CCDC88C: variants seen among roughly 807,000 people sequenced by gnomAD.
CCDC88C encodes the protein protein Daple.
CCDC88C carries 131 observed loss-of-function variants against 198.8 expected under a neutral mutation model. The ratio of observed to expected loss-of-function variants is 0.66; its 90% confidence interval spans 0.57 to 0.76. The LOEUF (loss-of-function observed/expected upper bound fraction) is 0.76. Among genes scored for constraint, CCDC88C ranks in the 30% least tolerant of loss-of-function variants. The pLI is 0.00. For synonymous variants in CCDC88C, 1,166 were observed against 1,114.7 expected (o/e 1.05, Z -0.92); for missense variants, 2,553 against 2,631.6 (o/e 0.97, Z 0.65).
intron 4 of CCDC88C, among the ~76,000 whole-genome samples, chr14:91,358,066 T>G (rs1344152407): frequency 6.6e-6 from 1 of 152,140 alleles, no homozygotes; most frequent in Non-Finnish European, 1.5e-5. Flanking sequence ...TTCTGGCTCA[T>G]GCAAAGGCGG....
chr14:91,368,657 C>T lies in CCDC88C; in HGVS notation c.271-8946G>A, dbSNP rs143029259. ...CGATTTAACACTTCCAGAAACGGCA[C>T]GGTGCTGGCTGTGCTTCAGGCAGGT... On this transcript the variant is annotated intron_variant, in intron 3 of 29. Coordinates refer to ENST00000389857, the MANE Select transcript of CCDC88C (RefSeq NM_001080414.4). 2.3e-3 allele frequency among the ~76,000 whole-genome samples: 351 copies of T among 152,274 alleles called. 2 individuals are homozygous for T. The highest frequency in any genetic ancestry group is 8.0e-3 in the African/African-American group (331 of 41,552).
At chr14:91,417,195 A>G (rs1395589960) in intron 1 of CCDC88C, 4 of 702,708 alleles carry the variant, frequency 5.7e-6, no homozygotes, top group Non-Finnish European at 1.0e-5. Context: ...GGCGCCCCCC[A>G]TTCCCCACCC....
Position 91,293,536 on chromosome 14 carries a change from C to T in CCDC88C, c.4112+637G>A, listed in dbSNP as rs868020861. ...TACCTTCCTGTCCCCTCACCTGCCACGGCCCACCTTCCTGTCCCCTCGCCT... is the reference window on the plus strand; with the variant it reads ...TACCTTCCTGTCCCCTCACCTGCCATGGCCCACCTTCCTGTCCCCTCGCCT... On this transcript the variant is annotated intron_variant, in intron 23 of 29. Coordinates refer to ENST00000389857, the MANE Select transcript of CCDC88C (RefSeq NM_001080414.4). Among the ~76,000 whole-genome samples, 15 of 27,808 alleles carry T rather than the reference C, an allele frequency of 5.4e-4. 1 individual carries two copies. The highest frequency in any genetic ancestry group is 1.5e-3 in the South Asian group (1 of 686). The allele number at this position is 27,808 out of a possible 152,430, so 18.2% of individuals were successfully genotyped here. A position where few individuals can be genotyped will look rare whatever the true frequency, so the allele number is the denominator to read the frequency against.
chr14:91,298,947 C>T (rs1891152146), intron 21 of CCDC88C, among the ~76,000 whole-genome samples: 1 of 152,222 alleles, frequency 6.6e-6, no homozygotes, highest in South Asian at 2.1e-4. Flanking sequence ...CTCTCCCAAC[C>T]TGTTTCCTCA....
chr14:91,317,598 G>T (rs1012248246), intron 13 of CCDC88C, among the ~76,000 whole-genome samples: 2 of 152,220 alleles, frequency 1.3e-5, no homozygotes, highest in African/African-American at 4.8e-5. Context: ...GAACCACCCT[G>T]CAGGGTCGGG....
At chr14:91,353,054 C>T (rs1439149627) in intron 4 of CCDC88C, among the ~76,000 whole-genome samples, 1 of 152,172 alleles carries the variant, frequency 6.6e-6, no homozygotes, top group East Asian at 1.9e-4. Context: ...AAAAGCACTC[C>T]AAGGACACAC....
intron 3 of CCDC88C, among the ~76,000 whole-genome samples, chr14:91,383,877 T>C (rs1826001898): frequency 6.6e-6 from 1 of 152,230 alleles, no homozygotes; most frequent in African/African-American, 2.4e-5. Flanking sequence ...AATTTATCTG[T>C]ATGTAAACTT....
At chr14:91,318,360 G>A (rs909909055) in intron 13 of CCDC88C, among the ~76,000 whole-genome samples, 3 of 152,130 alleles carry the variant, frequency 2.0e-5, no homozygotes, top group Admixed American at 1.3e-4. Flanking sequence ...AATCTGCAGT[G>A]AGCCATGGTC....
chr14:91,273,010 T>A lies in CCDC88C; in HGVS notation c.5702A>T (p.Gln1901Leu). Residue 1901 changes from glutamine to leucine, a missense_variant, in exon 30 of 30, where the codon CAG becomes CTG. Gln to Leu is a moderately radical substitution (Grantham distance 113). This residue lies in a region of CCDC88C where 1,293 missense variants were observed against 1,219.6 expected (regional missense o/e 1.06). Transcript: ENST00000389857. This position sits in a 1 kb window ranked among gnomAD's most constrained non-coding sequence, Gnocchi z 5.6. ...PKEERLAPLH[Q>L]SATAPAIATA... ...GGCAATGGCGGGGGCTGTGGCAGACTGATGCAGGGGGGCCAGCCTCTCCTC... is the reference window on the plus strand; with the variant it reads ...GGCAATGGCGGGGGCTGTGGCAGACAGATGCAGGGGGGCCAGCCTCTCCTC... 6.4e-7 allele frequency: 1 copy of A among 1,554,018 alleles called. No homozygotes were observed. The highest frequency in any genetic ancestry group is 8.7e-7 in the Non-Finnish European group (1 of 1,154,912).
intron 23 of CCDC88C, among the ~76,000 whole-genome samples, chr14:91,293,418 G>A (rs1890801961): frequency 1.7e-5 from 2 of 117,154 alleles, no homozygotes; most frequent in Non-Finnish European, 3.4e-5. Context: ...CCCCTCACCT[G>A]CCACGGCCCA....
intron 4 of CCDC88C, among the ~76,000 whole-genome samples, chr14:91,348,014 G>GT (rs1226750443): frequency 6.6e-6 from 1 of 152,062 alleles, no homozygotes. Context: ...ATAAAAAATG[G>GT]TGAGTTTTTG....
Position 91,324,926 on chromosome 14 carries a change from G to T in CCDC88C, c.1198-3C>A. The stretch of plus-strand genomic sequence containing the variant: ...CGTTTCTTATCTGTGTCCCGGTCCT[G>T]GGGCAAGCAAGAAGAGGCAAGAAGT... On this transcript the variant is annotated splice_polypyrimidine_tract_variant and splice_region_variant and intron_variant, in intron 11 of 29. Coordinates refer to ENST00000389857, the MANE Select transcript of CCDC88C (RefSeq NM_001080414.4). The T allele has an allele frequency of 1.2e-6, 2 of 1,613,390 alleles. No individual in the cohort carries two copies.
At chr14:91,345,190 A>ATATATATATAT (rs1246878587) in intron 4 of CCDC88C, among the ~76,000 whole-genome samples, 1 of 52,204 alleles carries the variant, frequency 1.9e-5, no homozygotes, top group African/African-American at 7.9e-5. Flanking sequence ...ATATATATAT[A>ATATATATATAT]TTTTTTTTTT....
intron 5 of CCDC88C, among the ~76,000 whole-genome samples, chr14:91,342,738 C>T (rs1029864012): frequency 2.0e-5 from 3 of 152,164 alleles, no homozygotes; most frequent in African/African-American, 4.8e-5. Flanking sequence ...GAACACAGAA[C>T]GCTTCATTTT....
chr14:91,359,160 C>CTTTTTTTTT (rs950112450), intron 4 of CCDC88C, among the ~76,000 whole-genome samples: 2 of 108,662 alleles, frequency 1.8e-5, no homozygotes, highest in Non-Finnish European at 3.7e-5. Context: ...AGGCTTCATT[C>CTTTTTTTTT]TTTTTTTTTT....
chr14:91,400,138 C>G (rs1203573457), intron 3 of CCDC88C, among the ~76,000 whole-genome samples: 1 of 152,118 alleles, frequency 6.6e-6, no homozygotes, highest in Non-Finnish European at 1.5e-5. Context: ...AGCTGATTTA[C>G]CTGGCCACTC....
chr14:91,299,680 A>G (rs1401658745), intron 21 of CCDC88C, among the ~76,000 whole-genome samples: 1 of 152,226 alleles, frequency 6.6e-6, no homozygotes, highest in Non-Finnish European at 1.5e-5. Flanking sequence ...TCCTCACCAC[A>G]AGGGTGGGAG....
intron 23 of CCDC88C, among the ~76,000 whole-genome samples, chr14:91,292,264 T>G (rs923264157): frequency 8.6e-5 from 13 of 151,980 alleles, no homozygotes; most frequent in African/African-American, 2.9e-4. Context: ...ATGGCTGGGG[T>G]TGGCCCCACA....
intron 3 of CCDC88C, among the ~76,000 whole-genome samples, chr14:91,404,218 C>T (rs1020791535): frequency 6.6e-6 from 1 of 152,238 alleles, no homozygotes; most frequent in African/African-American, 2.4e-5. Flanking sequence ...CTCTGGCTTT[C>T]TCTGCCCCTT....
Sources: gnomAD v4.1 joint callset for allele counts (sites outside exome capture counted in the v4.1 genomes callset) on GRCh38, gnomAD v4.1.1 for gene constraint, gnomAD v4.1.1 regional missense constraint, Gnocchi (gnomAD v3.1) non-coding constraint, MANE v1.5 for transcripts, NCBI Gene and HGNC (gene_info 2026-07-23, HGNC 2026-07-21) for gene names.